CADPS2: variants seen among roughly 807,000 people sequenced by gnomAD.
CADPS2 encodes the protein calcium-dependent secretion activator 2.
A neutral mutation model predicts 172.5 loss-of-function variants in CADPS2; 93 were observed. That is an observed-to-expected ratio of 0.54 (90% CI 0.46 to 0.64). The LOEUF is 0.64. CADPS2 is among the 30% of genes least tolerant of loss of function. The pLI is 0.00. For missense variants in CADPS2, 1,420 were observed against 1,565.9 expected, an observed-to-expected ratio of 0.91 and a Z score of 1.57; for synonymous variants, 546 against 555.2, an observed-to-expected ratio of 0.98 and a Z score of 0.23.
chr7:122,645,214 G>GTA (rs1224444615), intron 3 of CADPS2, among the ~76,000 whole-genome samples: 7 of 109,842 alleles, frequency 6.4e-5, no homozygotes, highest in Admixed American at 1.1e-4. Context: ...ATATACATAA[G>GTA]TATATATATA....
rs2082750202 is a variant in CADPS2, at chr7:122,679,274, G to GGGGGGA, written c.454-15706_454-15705insTCCCCC. ...GAAAAGAATGCATTCCTGGGGGGGG[G>GGGGGGA]GGGCTCTAAAATGGCCACCCTGGGA... On this transcript the variant is annotated intron_variant, in intron 2 of 29. Coordinates refer to ENST00000449022, the MANE Select transcript of CADPS2 (RefSeq NM_017954.11). Among the ~76,000 whole-genome samples, 2 of 115,240 alleles carry GGGGGGA rather than the reference G, an allele frequency of 1.7e-5. 1 individual carries two copies. 75.6% of individuals were successfully genotyped at this position (115,240 alleles called of 152,430 possible). A position where few individuals can be genotyped will look rare whatever the true frequency, so the allele number is the denominator to read the frequency against.
At chr7:122,855,751 C>CT (rs2141190879) in intron 1 of CADPS2, among the ~76,000 whole-genome samples, 1 of 152,266 alleles carries the variant, frequency 6.6e-6, no homozygotes, top group East Asian at 1.9e-4. Flanking sequence ...CTGACAACTT[C>CT]TTTTAAATTC....
chr7:122,593,224 T>C (rs1330340040), intron 6 of CADPS2, among the ~76,000 whole-genome samples: 2 of 151,950 alleles, frequency 1.3e-5, no homozygotes, highest in South Asian at 2.1e-4. Flanking sequence ...TGCATGGCAA[T>C]ATATAAAAGA....
intron 1 of CADPS2, among the ~76,000 whole-genome samples, chr7:122,867,405 T>A (rs2428776): frequency 0.19 from 29,128 of 151,988 alleles, 3,375 homozygotes; most frequent in African/African-American, 0.32. Context: ...TCAAAATGGG[T>A]AGAAAAAGCT....
chr7:122,361,699 C>G (rs546596791), intron 25 of CADPS2, among the ~76,000 whole-genome samples: 19 of 152,208 alleles, frequency 1.2e-4, no homozygotes, highest in African/African-American at 4.6e-4. Context: ...GGCAGGCAAG[C>G]TTAATCAGAT....
At chr7:122,668,511 T>C (rs2081425982) in intron 2 of CADPS2, among the ~76,000 whole-genome samples, 1 of 151,934 alleles carries the variant, frequency 6.6e-6, no homozygotes, top group African/African-American at 2.4e-5. Flanking sequence ...AGGTTGGTGG[T>C]GTCAGAGTAG....
chr7:122,460,064 A>ATCC (rs921406294), intron 14 of CADPS2, among the ~76,000 whole-genome samples: 1 of 152,156 alleles, frequency 6.6e-6, no homozygotes, highest in Non-Finnish European at 1.5e-5. Context: ...GGAGAGGCCC[A>ATCC]GGATGTTCGC....
chr7:122,388,662 G>A lies in CADPS2; in HGVS notation c.3085C>T (p.Pro1029Ser), dbSNP rs1021012561. 3 of 1,611,056 alleles carry A rather than the reference G, an allele frequency of 1.9e-6. No individual in the cohort carries two copies. The Admixed American group carries it at 5.0e-5, about 27-fold the overall frequency. ...LQMFVFDLHW[P>S]EQEFAHHLEQ... ...AAGTGGTGGGCAAATTCCTGTTCTG[G>A]CCAGTGCAGATCAAAGACAAACATT... Residue 1029 changes from proline (P) to serine (S), a missense_variant, in exon 23 of 30, where the codon CCA becomes TCA. Physicochemically the swap from Pro to Ser is moderately conservative, Grantham distance 74. Coordinates refer to ENST00000449022, the MANE Select transcript of CADPS2 (RefSeq NM_017954.11).
intron 1 of CADPS2, among the ~76,000 whole-genome samples, chr7:122,752,780 A>G (rs981792100): frequency 6.6e-6 from 1 of 152,210 alleles, no homozygotes; most frequent in Non-Finnish European, 1.5e-5. Context: ...TGAAGTATGT[A>G]ACAGCTTAAC....
chr7:122,799,436 A>G (rs1031175709), intron 1 of CADPS2, among the ~76,000 whole-genome samples: 1 of 151,820 alleles, frequency 6.6e-6, no homozygotes, highest in African/African-American at 2.4e-5. Flanking sequence ...CGTCTCTACT[A>G]AAAATACAAA....
chr7:122,589,838 A>G (rs2070459905), intron 6 of CADPS2, among the ~76,000 whole-genome samples: 1 of 151,920 alleles, frequency 6.6e-6, no homozygotes, highest in African/African-American at 2.4e-5. Context: ...GTATGGGCTT[A>G]TACATGTATC....
intron 9 of CADPS2, among the ~76,000 whole-genome samples, chr7:122,505,404 C>T (rs2059538253): frequency 6.6e-6 from 1 of 152,140 alleles, no homozygotes; most frequent in South Asian, 2.1e-4. Flanking sequence ...ACCAATTTAA[C>T]AAGTCTGAAG....
chr7:122,848,440 G>T (rs1289761386), intron 1 of CADPS2, among the ~76,000 whole-genome samples: 2 of 152,186 alleles, frequency 1.3e-5, no homozygotes, highest in African/African-American at 4.8e-5. Context: ...GGCTACCATG[G>T]CCAGGTCTAG....
chr7:122,442,722 C>T (rs540427481), intron 15 of CADPS2, among the ~76,000 whole-genome samples: 28 of 151,870 alleles, frequency 1.8e-4, no homozygotes, highest in Admixed American at 5.9e-4. Flanking sequence ...ATTTTATATT[C>T]GTGAAACTTT....
intron 8 of CADPS2, among the ~76,000 whole-genome samples, chr7:122,545,144 T>C (rs1362964025): frequency 1.3e-5 from 2 of 152,062 alleles, no homozygotes; most frequent in Non-Finnish European, 2.9e-5. Flanking sequence ...GGAGTAATCT[T>C]CATGAGGCAG....
chr7:122,645,397 A>T (rs1289268924), intron 3 of CADPS2, among the ~76,000 whole-genome samples: 1 of 51,570 alleles, frequency 1.9e-5, no homozygotes, highest in East Asian at 4.1e-4. Context: ...GTGTGTGTAT[A>T]TATGTACATA....
intron 1 of CADPS2, among the ~76,000 whole-genome samples, chr7:122,749,863 C>T (rs1456819116): frequency 1.3e-5 from 2 of 151,042 alleles, no homozygotes; most frequent in Non-Finnish European, 2.9e-5. Context: ...TAAATACATG[C>T]TTCAGATTTT....
chr7:122,746,164 C>T (rs1022301827), intron 1 of CADPS2, among the ~76,000 whole-genome samples: 1 of 152,050 alleles, frequency 6.6e-6, no homozygotes, highest in Admixed American at 6.6e-5. Context: ...CATTTTATTT[C>T]AGCAATTGCA....
At chr7:122,872,033 C>T (rs996113348) in intron 1 of CADPS2, among the ~76,000 whole-genome samples, 1 of 152,094 alleles carries the variant, frequency 6.6e-6, no homozygotes, top group East Asian at 1.9e-4. Context: ...AATCTCTCCC[C>T]TGAGCTCCAA....
Sources: allele counts gnomAD v4.1 joint callset (sites outside exome capture counted in the v4.1 genomes callset), GRCh38; gene constraint gnomAD v4.1.1; transcripts MANE v1.5; gene names NCBI Gene and HGNC (gene_info 2026-07-23, HGNC 2026-07-21).